The following BAZ2A variants were observed in gnomAD, a reference collection of about 807,000 sequenced individuals.
BAZ2A encodes bromodomain adjacent to zinc finger domain 2A.
BAZ2A carries 34 observed loss-of-function variants against 199.9 expected under a neutral mutation model. That is an observed-to-expected ratio of 0.17 (90% confidence interval 0.13 to 0.23). The LOEUF (loss-of-function observed/expected upper bound fraction) is 0.23. Among genes scored for constraint, BAZ2A ranks in the 10% least tolerant of loss-of-function variants. BAZ2A has a pLI of 1.00. For synonymous variants in BAZ2A, 857 were observed against 883.9 expected (o/e 0.97, Z 0.54); for missense variants, 2,002 against 2,391.1 (o/e 0.84, Z 3.39).
chr12:56,602,224 G>C (rs1253581311), intron 19 of BAZ2A, 32 bp from the exon 20 acceptor site: 2 of 1,511,492 alleles, frequency 1.3e-6, no homozygotes, highest in Admixed American at 2.0e-5. Flanking sequence ...TAAGCCATAT[G>C]CTGACATACA....
At chr12:56,619,944 G>A in intron 1 of BAZ2A, among the ~76,000 whole-genome samples, 1 of 152,160 alleles carries the variant, frequency 6.6e-6, no homozygotes. Flanking sequence ...AAAAGTGCAA[G>A]TCCAGCCTAT....
Position 56,614,070 on chromosome 12 carries a change from G to C in BAZ2A, c.799C>G (p.Leu267Val). ...VESLHQEVSV[L>V]VPDPTVSCLD... is the part of the protein sequence containing the mutation. ...CAGCTCACTGTGGGGTCAGGGACCA[G>C]GACTGAGACCTCTTGGTGTAACGAT... Residue 267 changes from leucine (L) to valine (V), a missense_variant, in exon 4 of 29, where the codon CTG becomes GTG. By Grantham distance (32) the Leu-to-Val change is conservative (BLOSUM62 1). Transcript: ENST00000549884. 6.2e-7 allele frequency: 1 copy of C among 1,613,998 alleles called. No individual in the cohort carries two copies. Among genetic ancestry groups the C allele is most frequent in the South Asian group, 1.1e-5 (1 of 91,084 alleles).
Position 56,598,476 on chromosome 12 carries a change from G to C in BAZ2A, c.*142C>G, listed in dbSNP as rs967915212. The C allele has an allele frequency of 9.8e-7, 1 of 1,020,534 alleles. No individual in the cohort carries two copies. Among genetic ancestry groups the C allele is most frequent in the African/African-American group, 1.6e-5 (1 of 61,908 alleles). The allele number at this position is 1,020,534 out of a possible 1,614,324, so 63.2% of individuals were successfully genotyped here. On this transcript the variant is annotated 3_prime_UTR_variant, in exon 29 of 29. Coordinates refer to ENST00000549884, the MANE Select transcript of BAZ2A (RefSeq NM_001300905.2). Reference sequence around the variant, plus strand: ...GGATGTAGGAATAAGAGGATGTGGGGCACTGCCAAGGGCAAGGTCAAAAAT... The same window carrying C: ...GGATGTAGGAATAAGAGGATGTGGGCCACTGCCAAGGGCAAGGTCAAAAAT...
chr12:56,602,578 A>T, intron 19 of BAZ2A, 135 bp downstream of exon 19: 1 of 1,226,826 alleles, frequency 8.2e-7, no homozygotes. Context: ...AGGCAGCTTT[A>T]CTCTAAAATC....
intron 10 of BAZ2A, 122 bp downstream of exon 10, chr12:56,609,614 A>T: frequency 1.8e-6 from 2 of 1,104,270 alleles, no homozygotes; most frequent in South Asian, 1.5e-5. Context: ...AAGCTGATTC[A>T]GATTCATTCT....
Position 56,610,158 on chromosome 12 carries a change from G to A in BAZ2A, c.1837C>T (p.Arg613Cys), listed in dbSNP as rs1373347055. ...TCAAAGAAATCTCCAACAGGCATACGGGGACTGAAGCTGAAGTGCTCTCGG... is the reference window on the plus strand; with the variant it reads ...TCAAAGAAATCTCCAACAGGCATACAGGGACTGAAGCTGAAGTGCTCTCGG... ...VRREHFSFSP[R>C]MPVGDFFEER... The change falls in exon 9 of 29, where the codon CGT becomes TGT. Residue 613 changes from arginine to cysteine, a missense_variant. Around this residue, in one of 6 missense-constraint regions of BAZ2A, gnomAD observed 74 missense variants for 126.1 expected, o/e 0.59. Coordinates refer to ENST00000549884, the MANE Select transcript of BAZ2A (RefSeq NM_001300905.2). 1.9e-6 allele frequency: 3 copies of A among 1,613,894 alleles called. No individual in the cohort carries two copies. The highest frequency in any genetic ancestry group is 2.5e-6 in the Non-Finnish European group (3 of 1,179,860).
chr12:56,627,261 G>C (rs547711529), intron 1 of BAZ2A, among the ~76,000 whole-genome samples: 23 of 151,976 alleles, frequency 1.5e-4, no homozygotes, highest in African/African-American at 5.1e-4. Flanking sequence ...CTCAATTCGA[G>C]TTCGAGACCA....
At chr12:56,603,728 G>A in intron 16 of BAZ2A, 28 bp from the exon 17 acceptor site, 1 of 1,612,616 alleles carries the variant, frequency 6.2e-7, no homozygotes, top group Non-Finnish European at 8.5e-7. Context: ...AAGATTAAGG[G>A]AAGGCCAAGT....
intron 1 of BAZ2A, among the ~76,000 whole-genome samples, chr12:56,625,209 G>A (rs912990116): frequency 1.4e-5 from 2 of 143,688 alleles, no homozygotes; most frequent in African/African-American, 2.6e-5. Context: ...AGGCTGGGGT[G>A]CAGTGGCACG....
At chr12:56,630,826 C>T (rs376754988), upstream of BAZ2A, 12 of 985,506 alleles carry the variant, frequency 1.2e-5, no homozygotes, top group South Asian at 1.4e-4. Flanking sequence ...ACTTTCCTGG[C>T]GACATCTGCA....
At chr12:56,632,662 A>C (rs968581835), upstream of BAZ2A, among the ~76,000 whole-genome samples, 5 of 152,140 alleles carry the variant, frequency 3.3e-5, no homozygotes, top group Admixed American at 6.5e-5. Context: ...GGAGAGGACC[A>C]CTTGGGATTA....
chr12:56,608,797 G>A (rs1950457142), intron 10 of BAZ2A, among the ~76,000 whole-genome samples: 2 of 150,456 alleles, frequency 1.3e-5, no homozygotes, highest in South Asian at 2.1e-4. Context: ...TTGAACTCCC[G>A]ACCTCAGGTG....
At chr12:56,611,743 A>C in intron 6 of BAZ2A, 30 bp downstream of exon 6, 1 of 1,519,084 alleles carries the variant, frequency 6.6e-7, no homozygotes, top group Non-Finnish European at 8.8e-7. Flanking sequence ...TTGGAACCAG[A>C]CAGGGATAGA....
chr12:56,611,461 CTT>C (rs1171640961), intron 7 of BAZ2A, 110 bp downstream of exon 7: 19 of 1,076,036 alleles, frequency 1.8e-5, no homozygotes, highest in African/African-American at 7.8e-5. Flanking sequence ...GTAATCTACT[CTT>C]GTCTGGCCCA....
Position 56,635,405 on chromosome 12 carries a change from C to G in BAZ2A, c.4+777G>C, listed in dbSNP as rs1951426333. On this transcript the variant is annotated intron_variant, in intron 1 of 29. Coordinates refer to the BAZ2A transcript ENST00000379441. This position sits in a 1 kb window ranked among gnomAD's most constrained non-coding sequence, Gnocchi z 4.1. ...GCAGGAGAGGGAACTCAAGGCCGAG[C>G]CTGCTGGGGGTCACGCGCAGCGCCC... is the stretch of plus-strand genomic sequence containing the variant. Among the ~76,000 whole-genome samples the G allele has an allele frequency of 6.6e-6, 1 of 152,088 alleles. No individual in the cohort carries two copies. The highest frequency in any genetic ancestry group is 1.5e-5 in the Non-Finnish European group (1 of 68,000).
In BAZ2A at chr12:56,600,041, G is replaced by A. The variant is rs372363267; in HGVS notation, c.4948C>T (p.Arg1650Trp). The change falls in exon 25 of 29, where the codon CGG (arginine) becomes TGG (tryptophan). Residue 1650 changes from arginine to tryptophan, a missense_variant. Physicochemically the swap from Arg to Trp is moderately radical, Grantham distance 101. Transcript: ENST00000549884. The part of the protein sequence containing the change: ...RVWRQTLERC[R>W]SAAQVCLCLG... ...CACAAGCACACCTGGGCTGCGCTCC[G>A]GCACCGCTCGAGGGTCTGGCGCCAG... 17 of 1,613,924 alleles carry A rather than the reference G, an allele frequency of 1.1e-5. No individual in the cohort carries two copies. The highest frequency in any genetic ancestry group is 2.2e-5 in the East Asian group (1 of 44,896).
At chr12:56,633,181 G>T (rs1211090014), upstream of BAZ2A, among the ~76,000 whole-genome samples, 3 of 152,108 alleles carry the variant, frequency 2.0e-5, no homozygotes, top group Admixed American at 1.3e-4. Context: ...GCACCTCCCT[G>T]ACTCTGGGGT....
At chr12:56,612,726 G>A (rs1390767753) in intron 5 of BAZ2A, among the ~76,000 whole-genome samples, 2 of 152,166 alleles carry the variant, frequency 1.3e-5, no homozygotes, top group African/African-American at 2.4e-5. Context: ...GGGGCCAAGC[G>A]ATTCTCCTGC....
upstream of BAZ2A, chr12:56,638,176 T>C (rs1258337150): frequency 4.6e-6 from 3 of 650,078 alleles, no homozygotes; most frequent in Admixed American, 3.0e-5. Flanking sequence ...TCAGACAAAT[T>C]CTGAGGGGTG....
Sources: gnomAD v4.1 joint callset for allele counts (sites outside exome capture counted in the v4.1 genomes callset) on GRCh38, gnomAD v4.1.1 for gene constraint, gnomAD v4.1.1 regional missense constraint, Gnocchi (gnomAD v3.1) non-coding constraint, MANE v1.5 for transcripts, NCBI Gene and HGNC (gene_info 2026-07-23, HGNC 2026-07-21) for gene names.